Variants in MECOM observed in about 807,000 individuals in gnomAD.
The protein encoded by MECOM is histone-lysine N-methyltransferase MECOM.
MECOM carries 13 observed loss-of-function variants against 116.3 expected under a neutral mutation model. That is an observed-to-expected ratio of 0.11 (90% confidence interval 0.07 to 0.18). The LOEUF is 0.18. Among genes scored for constraint, MECOM ranks in the 10% least tolerant of loss-of-function variants. MECOM has a pLI of 1.00. For synonymous variants in MECOM, 528 were observed against 535.2 expected (o/e 0.99, Z 0.19); for missense variants, 1,299 against 1,509.0 (o/e 0.86, Z 2.31).
At chr3:169,329,156 C>G (rs886979797) in intron 2 of MECOM, among the ~76,000 whole-genome samples, 6 of 152,020 alleles carry the variant, frequency 3.9e-5, no homozygotes, top group African/African-American at 1.4e-4. Flanking sequence ...TCTTTTTTAG[C>G]CTTGGGAAAC....
intron 1 of MECOM, among the ~76,000 whole-genome samples, chr3:169,481,567 A>C (rs1751286685): frequency 6.7e-6 from 1 of 150,148 alleles, no homozygotes; most frequent in Non-Finnish European, 1.5e-5. Flanking sequence ...AAATAAATAA[A>C]TACTTAAAAA....
chr3:169,215,196 G>A (rs1372238784), intron 2 of MECOM, among the ~76,000 whole-genome samples: 2 of 146,762 alleles, frequency 1.4e-5, no homozygotes, highest in African/African-American at 5.0e-5. Flanking sequence ...GCCTTATGAA[G>A]TATTTTCCAG....
chr3:169,452,278 T>C (rs1448137809), intron 1 of MECOM, among the ~76,000 whole-genome samples: 1 of 152,034 alleles, frequency 6.6e-6, no homozygotes, highest in Non-Finnish European at 1.5e-5. Context: ...AACACACGCC[T>C]TTCCCTTATT....
At chr3:169,147,648 C>A (rs1283438720) in intron 2 of MECOM, 3 of 985,414 alleles carry the variant, frequency 3.0e-6, no homozygotes, top group Non-Finnish European at 1.2e-6. Flanking sequence ...ATGGGGAGAT[C>A]TCGCCAGGCA....
At chr3:169,455,249 T>C (rs1746279448) in intron 1 of MECOM, among the ~76,000 whole-genome samples, 1 of 152,212 alleles carries the variant, frequency 6.6e-6, no homozygotes, top group African/African-American at 2.4e-5. Context: ...GCTCTTATAA[T>C]ACTCTTCTGT....
intron 2 of MECOM, among the ~76,000 whole-genome samples, chr3:169,175,944 G>A (rs922061292): frequency 2.6e-5 from 4 of 152,116 alleles, no homozygotes; most frequent in Non-Finnish European, 4.4e-5. Flanking sequence ...AAGTCACAGA[G>A]TCAAGTGAGG....
chr3:169,149,734 T>C (rs374138289), intron 2 of MECOM: 5 of 457,602 alleles, frequency 1.1e-5, no homozygotes, highest in African/African-American at 1.0e-4. Context: ...ACGCTTACCC[T>C]CCGAGACCTT....
In MECOM at chr3:169,378,445, GAA is replaced by G. The variant is rs1560196547; in HGVS notation, c.375+2740_375+2741del. On this transcript the variant is annotated intron_variant, in intron 2 of 16. Transcript: ENST00000651503. Reference sequence around the variant, plus strand: ...AGAAAGAAAGAAAGAAAGAAAGAAAGAAAGAAGGAAAGCAAGCAAGCAAGCAA... The same window carrying G: ...AGAAAGAAAGAAAGAAAGAAAGAAAGAGAAGGAAAGCAAGCAAGCAAGCAA... Among the ~76,000 whole-genome samples the G allele has an allele frequency of 4.5e-3, 360 of 79,444 alleles. 16 individuals carry two copies. The highest frequency in any genetic ancestry group is 0.019 in the African/African-American group (243 of 12,502). The allele number at this position is 79,444 out of a possible 152,430, so 52.1% of individuals were successfully genotyped here.
intron 2 of MECOM, among the ~76,000 whole-genome samples, chr3:169,256,282 T>C (rs2149596873): frequency 6.6e-6 from 1 of 151,838 alleles, no homozygotes; most frequent in East Asian, 1.9e-4. Flanking sequence ...TGCAATATGA[T>C]AACCACTAGG....
intron 7 of MECOM, among the ~76,000 whole-genome samples, chr3:169,119,627 T>C (rs1224899066): frequency 6.6e-6 from 1 of 152,120 alleles, no homozygotes; most frequent in East Asian, 1.9e-4. Context: ...TTTTCTCACA[T>C]CAAAACATAA....
chr3:169,172,407 A>ATGTGTGTGTGTC (rs1553758530), intron 2 of MECOM, among the ~76,000 whole-genome samples: 2 of 144,374 alleles, frequency 1.4e-5, no homozygotes, highest in African/African-American at 5.2e-5. Flanking sequence ...GTACCCTTGT[A>ATGTGTGTGTGTC]TGTGTGTGTG....
intron 2 of MECOM, among the ~76,000 whole-genome samples, chr3:169,290,498 G>GA (rs1044153505): frequency 6.6e-6 from 1 of 152,000 alleles, no homozygotes; most frequent in East Asian, 1.9e-4. Flanking sequence ...CAGGATGCAT[G>GA]AAAAAAAATA....
chr3:169,254,997 ATTC>A (rs1756692766), intron 2 of MECOM, among the ~76,000 whole-genome samples: 1 of 152,078 alleles, frequency 6.6e-6, no homozygotes, highest in African/African-American at 2.4e-5. Context: ...CTTCCAAAAT[ATTC>A]TAAAGGATCA....
At chr3:169,141,712 A>C (rs1238551037) in intron 3 of MECOM, among the ~76,000 whole-genome samples, 1 of 151,948 alleles carries the variant, frequency 6.6e-6, no homozygotes, top group Admixed American at 6.6e-5. Flanking sequence ...TTGGGCTAAG[A>C]GTGATTGTAT....
At chr3:169,285,200 C>T (rs113320648) in intron 2 of MECOM, among the ~76,000 whole-genome samples, 88 of 152,302 alleles carry the variant, frequency 5.8e-4, no homozygotes, top group African/African-American at 1.9e-3. Flanking sequence ...TTTGTAGAGC[C>T]GTGTCTGTGC....
At chr3:169,460,694 T>A (rs747395698) in intron 1 of MECOM, among the ~76,000 whole-genome samples, 7 of 152,220 alleles carry the variant, frequency 4.6e-5, no homozygotes, top group Non-Finnish European at 5.9e-5. Context: ...TGAGAGTGGA[T>A]TCAGTCTCCT....
At chr3:169,207,311 T>A (rs1019901654) in intron 2 of MECOM, among the ~76,000 whole-genome samples, 1 of 152,174 alleles carries the variant, frequency 6.6e-6, no homozygotes, top group African/African-American at 2.4e-5. Context: ...CAGGAAGAAG[T>A]GACTATCTCA....
intron 3 of MECOM, among the ~76,000 whole-genome samples, chr3:169,134,533 T>C (rs1735768041): frequency 6.6e-6 from 1 of 152,200 alleles, no homozygotes; most frequent in African/African-American, 2.4e-5. Context: ...GCGCCAGATA[T>C]AATGAGGGCA....
chr3:169,368,589 T>C lies in MECOM; in HGVS notation c.375+12598A>G, dbSNP rs75421709. Among the ~76,000 whole-genome samples the C allele has an allele frequency of 9.2e-3, 1,393 of 152,138 alleles. 24 individuals are homozygous for C. Among genetic ancestry groups the C allele is most frequent in the African/African-American group, 0.032 (1,341 of 41,544 alleles). ...AGCAAAGAAGCTGAACCAACTCCTA[T>C]CCTTCTAAGATAGATTTGAATTGGT... On this transcript the variant is annotated intron_variant, in intron 2 of 16. Coordinates refer to ENST00000651503, the MANE Select transcript of MECOM (RefSeq NM_004991.4).
Sources: gnomAD v4.1 joint callset for allele counts (sites outside exome capture counted in the v4.1 genomes callset) on GRCh38, gnomAD v4.1.1 for gene constraint, MANE v1.5 for transcripts, NCBI Gene and HGNC (gene_info 2026-07-23, HGNC 2026-07-21) for gene names.